RHBDF1: variants seen among roughly 807,000 people sequenced by gnomAD.
RHBDF1 encodes rhomboid 5 homolog 1, also known as inactive rhomboid protein 1.
RHBDF1 carries 80 observed loss-of-function variants against 98.6 expected under a neutral mutation model. That is an observed-to-expected ratio of 0.81 (90% CI 0.68 to 0.98). The LOEUF (loss-of-function observed/expected upper bound fraction) is 0.98. Ranked by LOEUF, RHBDF1 falls within the 50% of genes least tolerant of loss-of-function variation. The pLI, the probability that RHBDF1 is intolerant of heterozygous loss-of-function variation, is 0.00. For missense variants in RHBDF1, 1,116 were observed against 1,198.3 expected, an observed-to-expected ratio of 0.93 and a Z score of 1.01; for synonymous variants, 512 against 486.8, an observed-to-expected ratio of 1.05 and a Z score of -0.68.
chr16:60,965 G>A (rs1405248895), intron 11 of RHBDF1, 155 bp downstream of exon 11: 2 of 763,986 alleles, frequency 2.6e-6, no homozygotes, highest in Non-Finnish European at 4.1e-6. Context: ...GGGGAGGGTG[G>A]GGATGAGGAG....
At position 58,936 on chromosome 16, in the gene RHBDF1, G is replaced by A. The variant is rs775192369; in HGVS notation, c.2148+38C>T. ...GACAGGTTCACAGCAGGCTGCAGGT[G>A]CACACGGGAGGATCCCCACCCTGAG... is the stretch of plus-strand genomic sequence containing the variant. On this transcript the variant is annotated intron_variant, in intron 17 of 17. Transcript: ENST00000262316. 2.3e-5 allele frequency: 37 copies of A among 1,607,584 alleles called. 1 individual carries two copies. The East Asian group carries it at 7.6e-4, about 33-fold the overall frequency.
intron 1 of RHBDF1, among the ~76,000 whole-genome samples, chr16:71,817 G>A (rs1897976923): frequency 6.6e-6 from 1 of 152,202 alleles, no homozygotes; most frequent in Admixed American, 6.5e-5. Context: ...CCAATGCCCT[G>A]AGCATCTGGG....
intron 3 of RHBDF1, chr16:64,383 A>C (rs1196859824): frequency 3.6e-6 from 5 of 1,372,234 alleles, no homozygotes; most frequent in Non-Finnish European, 3.9e-6. Flanking sequence ...CCCTGCGGGC[A>C]GCCCGGGGAC....
chr16:61,909 C>T lies in RHBDF1; in HGVS notation c.1097G>A (p.Arg366Gln), dbSNP rs761287711. Residue 366 changes from arginine to glutamine, a missense_variant, in exon 8 of 18, where the codon CGG becomes CAG. Physicochemically the swap from Arg to Gln is conservative, Grantham distance 43. Transcript: ENST00000262316. ...GCCCAGCCCATACGGCCGCTTCTCCCGGGCGAAGAGCTTGCGCACCGGCAC... is the reference window on the plus strand; with the variant it reads ...GCCCAGCCCATACGGCCGCTTCTCCTGGGCGAAGAGCTTGCGCACCGGCAC... The part of the protein sequence containing the change: ...IAVPVRKLFA[R>Q]EKRPYGLGMV... 3.7e-6 allele frequency: 6 copies of T among 1,604,434 alleles called. No individual in the cohort carries two copies. The highest frequency in any genetic ancestry group is 2.2e-5 in the South Asian group (2 of 91,028).
chr16:59,103 G>C lies in RHBDF1; in HGVS notation c.2019C>G (p.Ile673Met), dbSNP rs778166020. ...CCCGCAGGACAGTCATCTGGAAGCAGATGGACACCAGGCAGTGCAAGATCC... is the reference window on the plus strand; with the variant it reads ...CCCGCAGGACAGTCATCTGGAAGCACATGGACACCAGGCAGTGCAAGATCC... ...HAGILHCLVS[I>M]CFQMTVLRDL... Residue 673 changes from isoleucine to methionine, a missense_variant, in exon 17 of 18, where the codon ATC (isoleucine) becomes ATG (methionine). Physicochemically the swap from Ile to Met is conservative, Grantham distance 10. Transcript: ENST00000262316. The C allele has an allele frequency of 1.2e-6, 2 of 1,613,506 alleles. No homozygotes were observed. Among genetic ancestry groups the C allele is most frequent in the Non-Finnish European group, 1.7e-6 (2 of 1,180,032 alleles).
intron 2 of RHBDF1, 23 bp downstream of exon 2, chr16:64,876 A>G (rs1567117070): frequency 6.2e-7 from 1 of 1,613,852 alleles, no homozygotes; most frequent in South Asian, 1.1e-5. Flanking sequence ...GGGCACCCAC[A>G]GTCCCTGCAG....
rs140291610 is a variant in RHBDF1, at chr16:63,035, G to T, written c.610C>A (p.Arg204=). 129 of 1,612,754 alleles carry T rather than the reference G, an allele frequency of 8.0e-5. No homozygotes were observed. In the African/African-American group the frequency reaches 1.5e-3, roughly 19 times the overall value. Residue 204 remains arginine, a synonymous_variant, in exon 5 of 18, where the codon CGG becomes AGG. Transcript: ENST00000262316. ...GCCACCGACTCTCGCTTGCGCCGCCGCGGGAGCCGGTGGAAACCTGAGCGG... is the reference window on the plus strand; with the variant it reads ...GCCACCGACTCTCGCTTGCGCCGCCTCGGGAGCCGGTGGAAACCTGAGCGG... ...SSRSGFHRLP[R]RRKRESVAKM...
chr16:72,478 C>A (rs1330304525), intron 1 of RHBDF1, 35 bp downstream of exon 1: 1 of 965,490 alleles, frequency 1.0e-6, no homozygotes, highest in Non-Finnish European at 1.2e-6. Context: ...CCCGCCCGCC[C>A]CCGGAGCCCT....
In RHBDF1 at chr16:62,826, C is replaced by T. The variant is rs753245448; in HGVS notation, c.744G>A (p.Glu248=). 3.7e-6 allele frequency: 6 copies of T among 1,614,050 alleles called. No homozygotes were observed. In the South Asian group the frequency reaches 6.6e-5, roughly 18 times the overall value. The change falls in exon 6 of 18, where the codon GAG becomes GAA. Residue 248 remains glutamate (E), a synonymous_variant. Transcript: ENST00000262316. ...CATCGGGGAAATCAGTTGTGTCCTC[C>T]TCCAGAAAGCTAGCTGGAGTGAAGC... ...RRSFTPASFL[E]EDTTDFPDEL...
At chr16:69,446 C>CT (rs1897915488) in intron 1 of RHBDF1, among the ~76,000 whole-genome samples, 1 of 152,124 alleles carries the variant, frequency 6.6e-6, no homozygotes, top group African/African-American at 2.4e-5. Context: ...CCCGGGACAC[C>CT]TTCCCAGACG....
intron 17 of RHBDF1, 102 bp from the exon 18 acceptor site, chr16:58,861 T>C: frequency 1.3e-6 from 2 of 1,556,282 alleles, no homozygotes; most frequent in Non-Finnish European, 1.8e-6. Context: ...CAGAGCATAT[T>C]GGGACCGAGG....
At position 72,550 on chromosome 16, in the gene RHBDF1, CG is replaced by C; in HGVS notation, c.-63del. 1 of 831,106 alleles carries C rather than the reference CG, an allele frequency of 1.2e-6. No homozygotes were observed. Among genetic ancestry groups the C allele is most frequent in the Non-Finnish European group, 1.3e-6 (1 of 759,854 alleles). 51.5% of individuals were successfully genotyped at this position (831,106 alleles called of 1,614,324 possible). A position where few individuals can be genotyped will look rare whatever the true frequency, so the allele number is the denominator to read the frequency against. ...GGGCTCTGGGGGGTCCTGAGGGCGC[CG>C]GGGAGGAGGCTGCCGCCGCTGGCCG... On this transcript the variant is annotated 5_prime_UTR_variant, in exon 1 of 18. Transcript: ENST00000262316.
In RHBDF1 at chr16:61,931, G is replaced by T; in HGVS notation, c.1075C>A (p.Pro359Thr). 6.2e-7 allele frequency: 1 copy of T among 1,600,170 alleles called. No individual in the cohort carries two copies. Reference sequence around the variant, plus strand: ...TCCCGGGCGAAGAGCTTGCGCACCGGCACCGCGATACGCTGGCCCCGTCGC... The same window carrying T: ...TCCCGGGCGAAGAGCTTGCGCACCGTCACCGCGATACGCTGGCCCCGTCGC... ...GPRRGQRIAVPVRKLFAREKR... is the reference protein window; with the variant it reads ...GPRRGQRIAVTVRKLFAREKR... Residue 359 changes from proline (P) to threonine (T), a missense_variant, in exon 8 of 18, where the codon CCG becomes ACG. Pro to Thr is a conservative substitution (Grantham distance 38, BLOSUM62 -1). Transcript: ENST00000262316.
Position 58,346 on chromosome 16 carries a change from G to A in RHBDF1, c.2562C>T (p.Leu854=). 6.2e-7 allele frequency: 1 copy of A among 1,610,522 alleles called. No individual in the cohort carries two copies. ...FCEKYELDAQ[L]H is the part of the protein sequence containing the mutation. ...GCTGGAGCCCGCAGCCAGCTCAGTG[G>A]AGCTGAGCGTCCAGTTCGTACTTCT... The change falls in exon 18 of 18, where the codon CTC becomes CTT. Residue 854 remains leucine (L), a synonymous_variant. Transcript: ENST00000262316.
intron 1 of RHBDF1, among the ~76,000 whole-genome samples, chr16:70,902 A>C (rs1289877315): frequency 6.6e-6 from 1 of 152,126 alleles, no homozygotes; most frequent in African/African-American, 2.4e-5. Flanking sequence ...CACCCCCAAA[A>C]TCGTCCAACT....
chr16:73,296 C>T (rs1182291617), upstream of RHBDF1, among the ~76,000 whole-genome samples: 1 of 152,160 alleles, frequency 6.6e-6, no homozygotes, highest in African/African-American at 2.4e-5. Context: ...CTCCCCCTGC[C>T]CTGTGCCCCT....
upstream of RHBDF1, among the ~76,000 whole-genome samples, chr16:73,060 C>T (rs1223708095): frequency 1.3e-5 from 2 of 152,178 alleles, no homozygotes; most frequent in Non-Finnish European, 2.9e-5. Flanking sequence ...TCACCCAATC[C>T]CACTAAGCAC....
intron 4 of RHBDF1, 86 bp downstream of exon 4, chr16:63,501 C>T (rs2141854578): frequency 8.3e-7 from 1 of 1,209,590 alleles, no homozygotes; most frequent in East Asian, 2.4e-5. Context: ...CAGAGAGTCC[C>T]TTCTGCTCAG....
upstream of RHBDF1, among the ~76,000 whole-genome samples, chr16:72,861 C>T (rs1053543490): frequency 1.3e-5 from 2 of 152,204 alleles, no homozygotes. Context: ...GCAGTGTCAG[C>T]GCTGGGCGGC....
Sources: allele counts gnomAD v4.1 joint callset (sites outside exome capture counted in the v4.1 genomes callset), GRCh38; gene constraint gnomAD v4.1.1; transcripts MANE v1.5; gene names NCBI Gene and HGNC (gene_info 2026-07-23, HGNC 2026-07-21).